EBF1: variants seen among roughly 807,000 people sequenced by gnomAD.
EBF1 encodes EBF transcription factor 1, also known as transcription factor COE1.
EBF1 carries 10 observed loss-of-function variants against 68.4 expected under a neutral mutation model. The observed-to-expected ratio is 0.15, with a 90% CI of 0.09 to 0.25. The LOEUF (loss-of-function observed/expected upper bound fraction) is 0.25. EBF1 is among the 10% of genes least tolerant of loss of function. The pLI, the probability that EBF1 is intolerant of heterozygous loss-of-function variation, is 1.00. For synonymous variants in EBF1, 298 were observed against 299.8 expected (o/e 0.99, Z 0.06); for missense variants, 509 against 794.4 (o/e 0.64, Z 4.32).
chr5:159,050,425 G>C (rs951808195), intron 6 of EBF1, among the ~76,000 whole-genome samples: 6 of 152,108 alleles, frequency 3.9e-5, no homozygotes, highest in African/African-American at 7.2e-5. Flanking sequence ...TCTCCTACAA[G>C]AGGAGACAAC....
At chr5:159,007,248 G>T (rs1763747173) in intron 6 of EBF1, among the ~76,000 whole-genome samples, 1 of 151,704 alleles carries the variant, frequency 6.6e-6, no homozygotes, top group Non-Finnish European at 1.5e-5. Flanking sequence ...CACAGAGAGA[G>T]AAAAAAAGGG....
intron 8 of EBF1, among the ~76,000 whole-genome samples, chr5:158,798,647 T>G (rs867558629): frequency 1.7e-4 from 26 of 152,170 alleles, no homozygotes; most frequent in Non-Finnish European, 8.8e-5. Context: ...CATGCATGCG[T>G]GTGTATGTGC....
chr5:158,743,617 G>T (rs756596887), intron 10 of EBF1, among the ~76,000 whole-genome samples: 5 of 152,164 alleles, frequency 3.3e-5, no homozygotes, highest in Non-Finnish European at 7.4e-5. Flanking sequence ...GGGTGGTCAT[G>T]GAGGAAAAAG....
chr5:158,913,411 G>A (rs1031972708), intron 6 of EBF1, among the ~76,000 whole-genome samples: 3 of 152,164 alleles, frequency 2.0e-5, no homozygotes, highest in Admixed American at 6.5e-5. Context: ...CTTAACACAC[G>A]TCAGTGGGCT....
intron 6 of EBF1, among the ~76,000 whole-genome samples, chr5:159,057,769 G>T (rs76982926): frequency 0.093 from 14,123 of 152,224 alleles, 732 homozygotes; most frequent in Non-Finnish European, 0.12. Context: ...AAATGGAATC[G>T]TGGTCTCTTC....
intron 6 of EBF1, among the ~76,000 whole-genome samples, chr5:158,965,286 T>C (rs1294205153): frequency 6.6e-6 from 1 of 152,198 alleles, no homozygotes; most frequent in Admixed American, 6.5e-5. Flanking sequence ...AAATCTCCCA[T>C]CCCCTTTGCT....
intron 10 of EBF1, among the ~76,000 whole-genome samples, chr5:158,751,395 G>A (rs1378890427): frequency 2.0e-5 from 3 of 152,048 alleles, no homozygotes; most frequent in African/African-American, 4.8e-5. Context: ...CTTTACTGAT[G>A]CCTCTTTGGA....
intron 10 of EBF1, among the ~76,000 whole-genome samples, chr5:158,739,689 T>C (rs996952993): frequency 2.6e-5 from 4 of 152,214 alleles, no homozygotes; most frequent in African/African-American, 9.6e-5. Context: ...GATACGTCCA[T>C]AATTCTCTTC....
intron 6 of EBF1, among the ~76,000 whole-genome samples, chr5:158,940,905 A>G (rs967844309): frequency 7.9e-5 from 12 of 151,892 alleles, no homozygotes; most frequent in African/African-American, 1.9e-4. Context: ...ATTGAAACCA[A>G]TTATGATTAT....
At chr5:158,967,469 T>A (rs1754405526) in intron 6 of EBF1, among the ~76,000 whole-genome samples, 2 of 152,184 alleles carry the variant, frequency 1.3e-5, no homozygotes, top group Admixed American at 1.3e-4. Flanking sequence ...CATACCCACC[T>A]TCCAGCCTTT....
chr5:158,964,931 T>G (rs1054810993), intron 6 of EBF1, among the ~76,000 whole-genome samples: 5 of 152,248 alleles, frequency 3.3e-5, no homozygotes, highest in African/African-American at 4.8e-5. Context: ...ATTTCACATT[T>G]GTCAAACAGA....
chr5:159,049,508 C>T (rs1773112468), intron 6 of EBF1, among the ~76,000 whole-genome samples: 1 of 152,198 alleles, frequency 6.6e-6, no homozygotes, highest in South Asian at 2.1e-4. Context: ...GAAAAACTCA[C>T]ACACACATAT....
At chr5:158,917,051 T>A (rs1166730920) in intron 6 of EBF1, among the ~76,000 whole-genome samples, 1 of 152,322 alleles carries the variant, frequency 6.6e-6, no homozygotes, top group South Asian at 2.1e-4. Flanking sequence ...TCTTCACTAG[T>A]GTCCTGCCTT....
chr5:159,068,162 C>T (rs1482805202), intron 6 of EBF1, among the ~76,000 whole-genome samples: 1 of 152,040 alleles, frequency 6.6e-6, no homozygotes, highest in Non-Finnish European at 1.5e-5. Flanking sequence ...TAACTAAAAG[C>T]CTCATTTGCA....
At chr5:158,957,219 T>G (rs1032817900) in intron 6 of EBF1, among the ~76,000 whole-genome samples, 8 of 152,228 alleles carry the variant, frequency 5.3e-5, no homozygotes, top group African/African-American at 1.7e-4. Flanking sequence ...ATTTAAACAT[T>G]ACTTGAACAG....
At chr5:158,754,828 G>A (rs1382123695) in intron 10 of EBF1, among the ~76,000 whole-genome samples, 11 of 152,090 alleles carry the variant, frequency 7.2e-5, no homozygotes. Flanking sequence ...AGATGACAAT[G>A]GATGAATATT....
intron 10 of EBF1, among the ~76,000 whole-genome samples, chr5:158,741,867 C>A (rs916713259): frequency 3.9e-5 from 6 of 152,254 alleles, no homozygotes; most frequent in African/African-American, 1.4e-4. Flanking sequence ...GCAGCTCACA[C>A]TTCCTAAGGA....
chr5:158,919,024 T>C (rs988813783), intron 6 of EBF1, among the ~76,000 whole-genome samples: 6 of 152,214 alleles, frequency 3.9e-5, no homozygotes, highest in African/African-American at 7.2e-5. Flanking sequence ...TCTTTGCAAA[T>C]GGCTGTTAAA....
chr5:158,962,122 A>G (rs1818293576), intron 6 of EBF1, among the ~76,000 whole-genome samples: 1 of 152,184 alleles, frequency 6.6e-6, no homozygotes, highest in South Asian at 2.1e-4. Flanking sequence ...TGATCTGATA[A>G]AGCCGGTGGC....
Sources: gnomAD v4.1 joint callset for allele counts (sites outside exome capture counted in the v4.1 genomes callset) on GRCh38, gnomAD v4.1.1 for gene constraint, MANE v1.5 for transcripts, NCBI Gene and HGNC (gene_info 2026-07-23, HGNC 2026-07-21) for gene names.